The following ANKRD17 variants were observed in gnomAD, a reference collection of about 807,000 sequenced individuals.
ANKRD17 encodes ankyrin repeat domain 17, also known as ankyrin repeat domain-containing protein 17.
A neutral mutation model predicts 229.7 loss-of-function variants in ANKRD17; 19 were observed. The observed-to-expected ratio is 0.08, with a 90% CI of 0.06 to 0.12. The LOEUF is 0.12. ANKRD17 is among the 10% of genes least tolerant of loss of function. The pLI is 1.00. For missense variants in ANKRD17, 2,176 were observed against 3,176.8 expected, an observed-to-expected ratio of 0.68 and a Z score of 7.57; for synonymous variants, 1,112 against 1,146.1, an observed-to-expected ratio of 0.97 and a Z score of 0.60.
At chr4:73,136,690 G>A (rs1728937138) in intron 15 of ANKRD17, among the ~76,000 whole-genome samples, 1 of 151,960 alleles carries the variant, frequency 6.6e-6, no homozygotes, top group South Asian at 2.1e-4. Flanking sequence ...GTTACGAAAA[G>A]ATCAAGATAA....
intron 16 of ANKRD17, among the ~76,000 whole-genome samples, chr4:73,129,583 G>C (rs538321520): frequency 6.6e-6 from 1 of 152,000 alleles, no homozygotes; most frequent in African/African-American, 2.4e-5. Context: ...CAGAAGTGGT[G>C]TGCAATGCCT....
intron 1 of ANKRD17, among the ~76,000 whole-genome samples, chr4:73,183,996 T>G (rs988969408): frequency 5.3e-5 from 8 of 152,172 alleles, no homozygotes. Context: ...AAAACCAAGG[T>G]CTTTTAACAA....
intron 3 of ANKRD17, among the ~76,000 whole-genome samples, chr4:73,160,691 TCC>T (rs1732414166): frequency 6.6e-6 from 1 of 152,142 alleles, no homozygotes; most frequent in Non-Finnish European, 1.5e-5. Flanking sequence ...AAAAATAAAG[TCC>T]CTGGACTCAC....
At chr4:73,106,957 A>AAG (rs1471527831) in intron 24 of ANKRD17, among the ~76,000 whole-genome samples, 1 of 151,992 alleles carries the variant, frequency 6.6e-6, no homozygotes, top group Admixed American at 6.6e-5. Context: ...GACAAAAGAT[A>AAG]AGAGAGAGAC....
chr4:73,177,127 C>T (rs988787915), intron 2 of ANKRD17, among the ~76,000 whole-genome samples: 6 of 152,070 alleles, frequency 3.9e-5, no homozygotes, highest in South Asian at 2.1e-4. Context: ...ACATAATTCA[C>T]GAATAATCAA....
At chr4:73,189,217 A>G (rs1736699449) in intron 1 of ANKRD17, among the ~76,000 whole-genome samples, 1 of 152,134 alleles carries the variant, frequency 6.6e-6, no homozygotes, top group East Asian at 1.9e-4. Context: ...AGATAACAAC[A>G]ACAACAACAA....
chr4:73,116,365 T>A (rs567377731), intron 22 of ANKRD17, among the ~76,000 whole-genome samples: 1 of 152,162 alleles, frequency 6.6e-6, no homozygotes, highest in Non-Finnish European at 1.5e-5. Flanking sequence ...CTGTCTTAGG[T>A]AGTGTGAAAG....
chr4:73,082,701 G>A (rs1371508396), intron 30 of ANKRD17, among the ~76,000 whole-genome samples: 1 of 152,096 alleles, frequency 6.6e-6, no homozygotes, highest in Non-Finnish European at 1.5e-5. Context: ...GCAAACAACT[G>A]GCTTGTAGTC....
intron 1 of ANKRD17, among the ~76,000 whole-genome samples, chr4:73,215,706 G>C (rs894285815): frequency 1.3e-5 from 2 of 152,120 alleles, no homozygotes; most frequent in Non-Finnish European, 2.9e-5. Flanking sequence ...AAAGTTCACC[G>C]GTAATTGTTT....
intron 3 of ANKRD17, among the ~76,000 whole-genome samples, chr4:73,158,975 C>A (rs1439549590): frequency 2.0e-5 from 3 of 152,208 alleles, no homozygotes; most frequent in African/African-American, 7.2e-5. Context: ...TTCAGGAATC[C>A]TGTTACACGC....
At chr4:73,223,489 T>C (rs538953405) in intron 1 of ANKRD17, among the ~76,000 whole-genome samples, 1 of 152,286 alleles carries the variant, frequency 6.6e-6, no homozygotes, top group East Asian at 1.9e-4. Context: ...AGTTAGAAAT[T>C]TGCTACATCA....
In ANKRD17 at chr4:73,142,289, G is replaced by C. The variant is rs776108257; in HGVS notation, c.2182C>G (p.Pro728Ala). ...DYPNNLLSAP[P>A]PDVTQLTPPS... ...GGAGTTAACTGAGTGACATCTGGTG[G>C]AGGGGCTGAAAGCAAGTTATTAGGA... Residue 728 changes from proline to alanine, a missense_variant, in exon 13 of 34, where the codon CCA becomes GCA. Physicochemically the swap from Pro to Ala is conservative, Grantham distance 27. Coordinates refer to ENST00000358602, the MANE Select transcript of ANKRD17 (RefSeq NM_032217.5). The C allele has an allele frequency of 1.1e-5, 17 of 1,558,314 alleles. No individual in the cohort carries two copies. The highest frequency in any genetic ancestry group is 4.8e-5 in the Admixed American group (2 of 41,486).
chr4:73,240,741 C>A (rs189967896), intron 1 of ANKRD17, among the ~76,000 whole-genome samples: 1 of 151,698 alleles, frequency 6.6e-6, no homozygotes, highest in Non-Finnish European at 1.5e-5. Context: ...ACACAGGAAA[C>A]TGCTTAGTAC....
intron 30 of ANKRD17, among the ~76,000 whole-genome samples, chr4:73,084,490 C>T (rs1305610368): frequency 6.7e-6 from 1 of 148,672 alleles, no homozygotes; most frequent in African/African-American, 2.5e-5. Flanking sequence ...GCTCTGTTGC[C>T]CAGGCTGGAG....
intron 24 of ANKRD17, among the ~76,000 whole-genome samples, chr4:73,103,826 CGG>C (rs1724286584): frequency 5.3e-5 from 6 of 114,222 alleles, no homozygotes; most frequent in South Asian, 5.1e-4. Flanking sequence ...TAACCCTCTC[CGG>C]TTTTTTTTTT....
intron 1 of ANKRD17, among the ~76,000 whole-genome samples, chr4:73,197,976 TATAA>T (rs1473607520): frequency 3.9e-5 from 6 of 152,248 alleles, no homozygotes; most frequent in East Asian, 1.9e-4. Context: ...CTACAAAACT[TATAA>T]ATATTCAGGA....
chr4:73,153,085 G>A (rs996700097), intron 6 of ANKRD17, among the ~76,000 whole-genome samples: 1 of 152,100 alleles, frequency 6.6e-6, no homozygotes, highest in African/African-American at 2.4e-5. Context: ...AAAGTGCTGG[G>A]TGCAAAATTT....
In ANKRD17 at chr4:73,234,579, G is replaced by A. The variant is rs572645331; in HGVS notation, c.393+23697C>T. Among the ~76,000 whole-genome samples, 11 of 152,314 alleles carry A rather than the reference G, an allele frequency of 7.2e-5. No homozygotes were observed. The East Asian group carries it at 1.2e-3, about 16-fold the overall frequency. On this transcript the variant is annotated intron_variant, in intron 1 of 33. Transcript: ENST00000358602. ...GGCTTCTCCTTTAAATGGAAGAACAGTACAATTTAAGCAGGTAGGGCACGC... is the reference window on the plus strand; with the variant it reads ...GGCTTCTCCTTTAAATGGAAGAACAATACAATTTAAGCAGGTAGGGCACGC...
At chr4:73,171,725 C>T (rs1474158565) in intron 2 of ANKRD17, among the ~76,000 whole-genome samples, 1 of 152,044 alleles carries the variant, frequency 6.6e-6, no homozygotes, top group African/African-American at 2.4e-5. Context: ...ACTGAAATAA[C>T]TGAAAAGAAT....
Sources: allele counts gnomAD v4.1 joint callset (sites outside exome capture counted in the v4.1 genomes callset), GRCh38; gene constraint gnomAD v4.1.1; transcripts MANE v1.5; gene names NCBI Gene and HGNC (gene_info 2026-07-23, HGNC 2026-07-21).